CACNA1A: variants seen among roughly 807,000 people sequenced by gnomAD.
CACNA1A encodes the protein voltage-dependent P/Q-type calcium channel subunit alpha-1A.
Under a neutral mutation model 262.4 loss-of-function variants are expected in CACNA1A, and 57 were observed. That is an observed-to-expected ratio of 0.22 (90% CI 0.18 to 0.27). CACNA1A has a LOEUF of 0.27. CACNA1A is among the 10% of genes least tolerant of loss of function. The pLI, the probability that CACNA1A is intolerant of heterozygous loss-of-function variation, is 1.00. For missense variants in CACNA1A, 2,526 were observed against 3,562.8 expected (o/e 0.71, Z 7.41); for synonymous variants, 1,431 against 1,419.3 (o/e 1.01, Z -0.18).
chr19:13,210,277 G>A (rs893029389), intron 44 of CACNA1A, among the ~76,000 whole-genome samples: 1 of 152,204 alleles, frequency 6.6e-6, no homozygotes, highest in African/African-American at 2.4e-5. Flanking sequence ...GGAGCTGCAG[G>A]ACCAGGGGTT....
chr19:13,226,253 C>CGGGGGGGGGGGGGGG (rs55778152), intron 37 of CACNA1A: 1 of 55,850 alleles, frequency 1.8e-5, no homozygotes. Flanking sequence ...TGAGGAAAAC[C>CGGGGGGGGGGGGGGG]GGGGGGGGGG....
At chr19:13,346,642 ATATATATATATATATATATATATATTTTT>A (rs1435451022) in intron 6 of CACNA1A, among the ~76,000 whole-genome samples, 196 of 13,108 alleles carry the variant, frequency 0.015, 14 homozygotes, top group South Asian at 0.058. Flanking sequence ...ATATATATAT[ATATATATATATATATATATATATATTTTT>A]TTTTTTTTTT....
At chr19:13,341,625 G>C (rs532966503) in intron 6 of CACNA1A, among the ~76,000 whole-genome samples, 1 of 152,202 alleles carries the variant, frequency 6.6e-6, no homozygotes, top group East Asian at 1.9e-4. Context: ...CTCCCTGCCT[G>C]GAATGCTCTT....
At chr19:13,430,899 AG>A (rs2060493606) in intron 3 of CACNA1A, among the ~76,000 whole-genome samples, 1 of 151,862 alleles carries the variant, frequency 6.6e-6, no homozygotes, top group African/African-American at 2.4e-5. Flanking sequence ...AAAGGAAGTG[AG>A]GGGGGAGCCA....
intron 34 of CACNA1A, 161 bp downstream of exon 34, chr19:13,234,737 ACCGGAAGAGAAGGGCACGCCCCC>A: frequency 2.5e-6 from 1 of 407,350 alleles, no homozygotes. Flanking sequence ...CACGTCCCCT[ACCGGAAGAGAAGGGCACGCCCCC>A]TACCGGAAAA....
At chr19:13,438,107 G>A (rs1044239003) in intron 3 of CACNA1A, among the ~76,000 whole-genome samples, 1 of 147,030 alleles carries the variant, frequency 6.8e-6, no homozygotes, top group African/African-American at 2.6e-5. Context: ...AGTTTTTGCT[G>A]ACATTTTTTC....
At chr19:13,476,561 A>C (rs1213901531) in intron 1 of CACNA1A, among the ~76,000 whole-genome samples, 1 of 152,174 alleles carries the variant, frequency 6.6e-6, no homozygotes, top group African/African-American at 2.4e-5. Context: ...GGGAAGGGAG[A>C]AACTGGAAGT....
At chr19:13,322,996 G>A (rs2058286221) in intron 10 of CACNA1A, among the ~76,000 whole-genome samples, 1 of 152,194 alleles carries the variant, frequency 6.6e-6, no homozygotes, top group Non-Finnish European at 1.5e-5. Context: ...TCTAGGCTGG[G>A]CACAGTGTCT....
chr19:13,413,919 G>GA (rs768867380), intron 3 of CACNA1A, among the ~76,000 whole-genome samples: 39 of 131,234 alleles, frequency 3.0e-4, no homozygotes, highest in African/African-American at 1.1e-3. Flanking sequence ...AAGAAAGAAA[G>GA]AAAGAAAGAA....
At chr19:13,341,251 A>C (rs987614711) in intron 6 of CACNA1A, among the ~76,000 whole-genome samples, 2 of 152,136 alleles carry the variant, frequency 1.3e-5, no homozygotes, top group Non-Finnish European at 2.9e-5. Context: ...AGAAGCTAGG[A>C]GGGAGGCAAG....
chr19:13,207,956 G>C lies in CACNA1A; in HGVS notation c.6878C>G (p.Pro2293Arg), dbSNP rs1266020538. 2 of 1,364,590 alleles carry C rather than the reference G, an allele frequency of 1.5e-6. No individual in the cohort carries two copies. The highest frequency in any genetic ancestry group is 1.5e-5 in the African/African-American group (1 of 65,420). 84.5% of individuals were successfully genotyped at this position (1,364,590 alleles called of 1,614,324 possible). Residue 2293 changes from proline (P) to arginine (R), a missense_variant, in exon 47 of 47, where the codon CCC (proline) becomes CGC (arginine). Around this residue, in one of 17 missense-constraint regions of CACNA1A, gnomAD observed 929 missense variants for 868.1 expected, o/e 1.07. Coordinates refer to ENST00000360228, the MANE Select transcript of CACNA1A (RefSeq NM_001127222.2). This position sits in a 1 kb window ranked among gnomAD's most constrained non-coding sequence, Gnocchi z 5.7. ...AGGGGAATAGGACACGTGTGGCCGG[G>C]GGGTGGAGGGGGTCTGGGGGAGCTG... The part of the protein sequence containing the change: ...RRQLPQTPST[P>R]RPHVSYSPVI...
intron 37 of CACNA1A, chr19:13,225,099 T>G: frequency 3.9e-6 from 1 of 255,222 alleles, no homozygotes; most frequent in East Asian, 8.9e-5. Context: ...ATGGCCCCGT[T>G]TCAGTCTGAC....
chr19:13,394,700 C>T (rs529778468), intron 3 of CACNA1A, among the ~76,000 whole-genome samples: 1 of 152,246 alleles, frequency 6.6e-6, no homozygotes, highest in South Asian at 2.1e-4. Flanking sequence ...CGCCTATACC[C>T]ACTTCACTGA....
intron 3 of CACNA1A, among the ~76,000 whole-genome samples, chr19:13,427,452 C>A (rs1010256164): frequency 1.1e-4 from 7 of 65,446 alleles, no homozygotes; most frequent in African/African-American, 4.1e-4. Flanking sequence ...AACTCCATCT[C>A]AAAATAAATA....
chr19:13,239,199 G>A (rs139675985), intron 31 of CACNA1A, among the ~76,000 whole-genome samples: 274 of 148,598 alleles, frequency 1.8e-3, no homozygotes, highest in African/African-American at 5.9e-3. Flanking sequence ...CCCCAGCCCC[G>A]GGTCCTGTCC....
intron 24 of CACNA1A, among the ~76,000 whole-genome samples, chr19:13,267,338 G>A (rs1042420269): frequency 5.3e-5 from 8 of 152,196 alleles, no homozygotes; most frequent in Non-Finnish European, 7.4e-5. Context: ...GGCTCATGGC[G>A]CTGGCCGATG....
intron 3 of CACNA1A, among the ~76,000 whole-genome samples, chr19:13,423,668 C>A (rs150088367): frequency 6.6e-6 from 1 of 151,832 alleles, no homozygotes; most frequent in Non-Finnish European, 1.5e-5. Context: ...TGCACCACCA[C>A]GCCTGGTTAA....
At chr19:13,359,020 C>G (rs768598299) in intron 6 of CACNA1A, among the ~76,000 whole-genome samples, 1 of 152,222 alleles carries the variant, frequency 6.6e-6, no homozygotes, top group Non-Finnish European at 1.5e-5. Context: ...AGCCACCCCT[C>G]GGATGTCCTT....
chr19:13,268,836 G>A (rs2144800295), intron 24 of CACNA1A, among the ~76,000 whole-genome samples: 1 of 150,504 alleles, frequency 6.6e-6, no homozygotes, highest in South Asian at 2.1e-4. Context: ...CTGACTTGGG[G>A]TTCTCAAATT....
Sources: allele counts gnomAD v4.1 joint callset (sites outside exome capture counted in the v4.1 genomes callset), GRCh38; gene constraint gnomAD v4.1.1; regional missense constraint gnomAD v4.1.1; non-coding constraint Gnocchi (gnomAD v3.1); transcripts MANE v1.5; gene names NCBI Gene and HGNC (gene_info 2026-07-23, HGNC 2026-07-21).